The following ZFPM2 variants were observed in gnomAD, a reference collection of about 807,000 sequenced individuals.
The protein encoded by ZFPM2 is zinc finger protein, FOG family member 2.
In ZFPM2, 20 loss-of-function variants were observed where a neutral mutation model predicts 98.6. That is an observed-to-expected ratio of 0.20 (90% confidence interval 0.14 to 0.29). The LOEUF is 0.29. Among genes scored for constraint, ZFPM2 ranks in the 10% least tolerant of loss-of-function variants. The pLI, the probability that ZFPM2 is intolerant of heterozygous loss-of-function variation, is 1.00. For synonymous variants in ZFPM2, 518 were observed against 502.7 expected (o/e 1.03, Z -0.41); for missense variants, 1,310 against 1,388.6 (o/e 0.94, Z 0.90).
At chr8:105,550,242 G>A (rs1344640422) in intron 3 of ZFPM2, among the ~76,000 whole-genome samples, 2 of 152,056 alleles carry the variant, frequency 1.3e-5, no homozygotes, top group Admixed American at 6.6e-5. Flanking sequence ...CTGTGGCCCC[G>A]TCCTTCAGGC....
At chr8:105,513,253 A>G (rs1286936093) in intron 3 of ZFPM2, among the ~76,000 whole-genome samples, 1 of 152,178 alleles carries the variant, frequency 6.6e-6, no homozygotes, top group Admixed American at 6.5e-5. Flanking sequence ...AAGGCCCTTT[A>G]TGAATTCCAG....
intron 1 of ZFPM2, among the ~76,000 whole-genome samples, chr8:105,407,306 A>C (rs1231027312): frequency 5.3e-5 from 8 of 152,060 alleles, no homozygotes; most frequent in Middle Eastern, 3.4e-3. Flanking sequence ...ACTTCACGCT[A>C]TTTACACTAT....
intron 3 of ZFPM2, among the ~76,000 whole-genome samples, chr8:105,552,417 G>A (rs12541571): frequency 0.1 from 15,378 of 152,174 alleles, 1,001 homozygotes; most frequent in Admixed American, 0.16. Context: ...CAGGTCAGCT[G>A]TGACACGGGA....
At chr8:105,681,685 A>G (rs1810605513) in intron 5 of ZFPM2, among the ~76,000 whole-genome samples, 1 of 152,184 alleles carries the variant, frequency 6.6e-6, no homozygotes, top group Non-Finnish European at 1.5e-5. Flanking sequence ...ATTGAATAAC[A>G]GTTAGTTCCC....
rs774519852 is a variant in ZFPM2, at chr8:105,801,786, G to A, written c.1704G>A (p.Lys568=). The A allele has an allele frequency of 1.2e-6, 2 of 1,613,892 alleles. No individual in the cohort carries two copies. Among genetic ancestry groups the A allele is most frequent in the South Asian group, 2.2e-5 (2 of 91,078 alleles). Residue 568 remains lysine (K), a synonymous_variant, in exon 8 of 8, where the codon AAG becomes AAA. Transcript: ENST00000407775. ...TGGATAATTATCTAGTGCACAAAAA[G>A]CATTATTGCAGCAGCCGATGGCAGC... is the stretch of plus-strand genomic sequence containing the variant. ...NNLDNYLVHK[K]HYCSSRWQQM...
At chr8:105,566,246 G>T (rs1368053490) in intron 4 of ZFPM2, among the ~76,000 whole-genome samples, 1 of 152,082 alleles carries the variant, frequency 6.6e-6, no homozygotes, top group African/African-American at 2.4e-5. Context: ...TCAGTTTTTT[G>T]AGGTATGACC....
At chr8:105,604,790 G>C (rs749758040) in intron 4 of ZFPM2, among the ~76,000 whole-genome samples, 8 of 151,990 alleles carry the variant, frequency 5.3e-5, no homozygotes, top group Non-Finnish European at 1.2e-4. Context: ...AAGCAAACAA[G>C]ACTCTGTTAT....
chr8:105,477,537 C>G (rs1249471955), intron 3 of ZFPM2, among the ~76,000 whole-genome samples: 2 of 151,804 alleles, frequency 1.3e-5, no homozygotes, highest in Non-Finnish European at 2.9e-5. Context: ...GCCACCGCGC[C>G]CCACATGATA....
chr8:105,570,339 G>A (rs1268497759), intron 4 of ZFPM2, among the ~76,000 whole-genome samples: 2 of 151,614 alleles, frequency 1.3e-5, no homozygotes, highest in Non-Finnish European at 2.9e-5. Context: ...TTGATGGAGG[G>A]GGATTACTCA....
intron 5 of ZFPM2, among the ~76,000 whole-genome samples, chr8:105,674,869 A>G (rs1425346692): frequency 6.6e-6 from 1 of 152,166 alleles, no homozygotes; most frequent in Non-Finnish European, 1.5e-5. Context: ...GTGGAGCCAG[A>G]GACCATGGTT....
chr8:105,648,712 G>T (rs550307846), intron 5 of ZFPM2, among the ~76,000 whole-genome samples: 1 of 152,114 alleles, frequency 6.6e-6, no homozygotes, highest in Non-Finnish European at 1.5e-5. Flanking sequence ...ATTTCTGAGG[G>T]CTCTGTTCTG....
chr8:105,464,145 A>G lies in ZFPM2; in HGVS notation c.301+19764A>G, dbSNP rs1332747074. Among the ~76,000 whole-genome samples, 11 of 152,004 alleles carry G rather than the reference A, an allele frequency of 7.2e-5. No homozygotes were observed. In the East Asian group the frequency reaches 1.4e-3, roughly 19 times the overall value. On this transcript the variant is annotated intron_variant, in intron 3 of 7. Transcript: ENST00000407775. Reference sequence around the variant, plus strand: ...TGTTCCCATAAGATCTCTATTTTCAATTGGCTGTATACCTTCCAGTTTTAT... The same window carrying G: ...TGTTCCCATAAGATCTCTATTTTCAGTTGGCTGTATACCTTCCAGTTTTAT...
At chr8:105,460,331 G>C (rs118090562) in intron 3 of ZFPM2, among the ~76,000 whole-genome samples, 3,793 of 152,254 alleles carry the variant, frequency 0.025, 68 homozygotes, top group Middle Eastern at 0.041. Flanking sequence ...TTTGCTTGAG[G>C]CAAAATTGGG....
chr8:105,358,517 A>G (rs1812792822), intron 1 of ZFPM2: 2 of 152,254 alleles, frequency 1.3e-5, no homozygotes, highest in Admixed American at 1.3e-4. Context: ...GACCAAAGCT[A>G]TCAACATGAC....
intron 5 of ZFPM2, among the ~76,000 whole-genome samples, chr8:105,671,276 C>T (rs1166533993): frequency 1.3e-5 from 2 of 151,712 alleles, no homozygotes; most frequent in African/African-American, 2.4e-5. Flanking sequence ...TTTTTTGAAC[C>T]TTCAATATTT....
chr8:105,463,391 AGT>A (rs1289083769), intron 3 of ZFPM2, among the ~76,000 whole-genome samples: 1 of 151,566 alleles, frequency 6.6e-6, no homozygotes, highest in Non-Finnish European at 1.5e-5. Flanking sequence ...AGTTTTCTAT[AGT>A]GTGTGTGTAT....
At chr8:105,751,087 A>G (rs1413745972) in intron 5 of ZFPM2, among the ~76,000 whole-genome samples, 6 of 152,082 alleles carry the variant, frequency 3.9e-5, no homozygotes, top group African/African-American at 1.4e-4. Flanking sequence ...TGTAAATAGT[A>G]GGGAAATGTG....
intron 1 of ZFPM2, among the ~76,000 whole-genome samples, chr8:105,403,803 G>C (rs1476945021): frequency 6.6e-6 from 1 of 151,994 alleles, no homozygotes; most frequent in African/African-American, 2.4e-5. Context: ...GTAAAGTTAG[G>C]ATGACTCAGC....
At chr8:105,530,665 G>C (rs1311825115) in intron 3 of ZFPM2, among the ~76,000 whole-genome samples, 4 of 152,126 alleles carry the variant, frequency 2.6e-5, no homozygotes, top group Non-Finnish European at 5.9e-5. Context: ...TATTGGATTA[G>C]GGTCTACCCT....
Sources: allele counts gnomAD v4.1 joint callset (sites outside exome capture counted in the v4.1 genomes callset), GRCh38; gene constraint gnomAD v4.1.1; transcripts MANE v1.5; gene names NCBI Gene and HGNC (gene_info 2026-07-23, HGNC 2026-07-21).